Variants in ZFHX3 observed in about 807,000 individuals in gnomAD.
ZFHX3 encodes zinc finger homeobox protein 3.
In ZFHX3, 42 loss-of-function variants were observed where a neutral mutation model predicts 279.1. The ratio of observed to expected loss-of-function variants is 0.15; its 90% confidence interval spans 0.12 to 0.19. The LOEUF (loss-of-function observed/expected upper bound fraction) is 0.19. Ranked by LOEUF, ZFHX3 falls within the 10% of genes least tolerant of loss-of-function variation. The pLI is 1.00. For synonymous variants in ZFHX3, 2,293 were observed against 1,957.8 expected (o/e 1.17, Z -4.52); for missense variants, 4,981 against 4,754.0 (o/e 1.05, Z -1.40).
chr16:73,314,737 C>G (rs2015404258), intron 4 of ZFHX3, among the ~76,000 whole-genome samples: 1 of 152,192 alleles, frequency 6.6e-6, no homozygotes, highest in Non-Finnish European at 1.5e-5. Flanking sequence ...TAGCCCTTGC[C>G]ACATTAGGAC....
At chr16:73,563,572 A>T (rs2020408036) in intron 2 of ZFHX3, among the ~76,000 whole-genome samples, 2 of 152,152 alleles carry the variant, frequency 1.3e-5, no homozygotes, top group African/African-American at 4.8e-5. Flanking sequence ...ACATGTAATA[A>T]TCTACAGTAT....
At chr16:73,801,638 G>A (rs1052376974) in intron 1 of ZFHX3, among the ~76,000 whole-genome samples, 2 of 152,198 alleles carry the variant, frequency 1.3e-5, no homozygotes, top group African/African-American at 4.8e-5. Flanking sequence ...AACAAGTGCA[G>A]AAGTCCAGAC....
intron 1 of ZFHX3, among the ~76,000 whole-genome samples, chr16:73,795,384 C>T (rs1004680969): frequency 6.6e-6 from 1 of 152,126 alleles, no homozygotes; most frequent in African/African-American, 2.4e-5. Flanking sequence ...ATGTTCAGGG[C>T]CAAGACCTGA....
intron 1 of ZFHX3, among the ~76,000 whole-genome samples, chr16:73,753,815 C>T (rs1424571253): frequency 6.6e-6 from 1 of 151,706 alleles, no homozygotes; most frequent in Non-Finnish European, 1.5e-5. Flanking sequence ...ACTCACAAAA[C>T]AAGGTTACAT....
chr16:73,752,891 G>C lies in ZFHX3; in HGVS notation c.-1607-72651C>G, dbSNP rs16972466. Among the ~76,000 whole-genome samples the C allele has an allele frequency of 6.8e-3, 1,033 of 152,264 alleles. 14 individuals carry two copies. Among genetic ancestry groups the C allele is most frequent in the African/African-American group, 0.024 (980 of 41,534 alleles). ...CTGCAGTGCCAGATAACATTTGCAG[G>C]TACCTCCAATAAAACCAGGTACCAT... On this transcript the variant is annotated intron_variant, in intron 1 of 17. Transcript: ENST00000641206.
At chr16:73,144,139 A>G (rs1966854596) in intron 5 of ZFHX3, among the ~76,000 whole-genome samples, 1 of 152,178 alleles carries the variant, frequency 6.6e-6, no homozygotes, top group South Asian at 2.1e-4. Context: ...ATTAATTAAA[A>G]ATCATAAAAC....
At chr16:73,604,919 A>AT (rs1046681021) in intron 2 of ZFHX3, among the ~76,000 whole-genome samples, 5 of 151,618 alleles carry the variant, frequency 3.3e-5, no homozygotes, top group South Asian at 4.2e-4. Flanking sequence ...AAGAAAGTCC[A>AT]TTTTTTTTCA....
Position 73,846,510 on chromosome 16 carries a change from G to A in ZFHX3, c.-1608+45141C>T, listed in dbSNP as rs973834921. On this transcript the variant is annotated intron_variant, in intron 1 of 17. Coordinates refer to the ZFHX3 transcript ENST00000641206. ...TATTCCCTCGAGGCCAATCTTGGCT[G>A]TCTCTCTTCAAGCTGAAATTGAGAG... Among the ~76,000 whole-genome samples, 13 of 152,276 alleles carry A rather than the reference G, an allele frequency of 8.5e-5. 1 individual carries two copies. Among genetic ancestry groups the A allele is most frequent in the Admixed American group, 3.9e-4 (6 of 15,304 alleles).
intron 3 of ZFHX3, among the ~76,000 whole-genome samples, chr16:72,906,955 T>TAAAA (rs1468552321): frequency 6.6e-6 from 1 of 152,202 alleles, no homozygotes; most frequent in African/African-American, 2.4e-5. Flanking sequence ...ACATCACGCA[T>TAAAA]GCTACAAGTT....
At chr16:73,277,466 G>A (rs921201534) in intron 4 of ZFHX3, among the ~76,000 whole-genome samples, 16 of 152,016 alleles carry the variant, frequency 1.1e-4, no homozygotes, top group African/African-American at 2.7e-4. Flanking sequence ...ATTAAAATCC[G>A]AAAGCATGAT....
chr16:73,277,718 A>C (rs1218399684), intron 4 of ZFHX3, among the ~76,000 whole-genome samples: 2 of 152,218 alleles, frequency 1.3e-5, no homozygotes, highest in Non-Finnish European at 1.5e-5. Flanking sequence ...GCATGAGTCC[A>C]TTCTCGCATT....
chr16:73,361,837 G>A (rs1420919279), intron 3 of ZFHX3, among the ~76,000 whole-genome samples: 1 of 152,166 alleles, frequency 6.6e-6, no homozygotes, highest in Non-Finnish European at 1.5e-5. Context: ...GAAGATGAAG[G>A]TGACAGTTCT....
At chr16:73,086,784 T>C (rs952888546) in intron 8 of ZFHX3, among the ~76,000 whole-genome samples, 3 of 152,144 alleles carry the variant, frequency 2.0e-5, no homozygotes, top group African/African-American at 7.2e-5. Context: ...GCACCTGTGC[T>C]CTCAGCTACT....
chr16:72,802,031 C>T (rs1243705282), intron 7 of ZFHX3, among the ~76,000 whole-genome samples: 1 of 151,860 alleles, frequency 6.6e-6, no homozygotes, highest in Non-Finnish European at 1.5e-5. Flanking sequence ...AAAAAAAAAG[C>T]CCTACAGAGT....
Position 73,259,873 on chromosome 16 carries a change from G to GAA in ZFHX3, c.-1193-2739_-1193-2738dup, listed in dbSNP as rs540471184. ...ATAAACATTCTGCTAAATAACCATG[G>GAA]AAAAGTTGTCAAAATCAAGAAATTA... On this transcript the variant is annotated intron_variant, in intron 4 of 17. Coordinates refer to the ZFHX3 transcript ENST00000641206. Among the ~76,000 whole-genome samples, 24 of 152,168 alleles carry GAA rather than the reference G, an allele frequency of 1.6e-4. No homozygotes were observed. The East Asian group carries it at 3.7e-3, about 23-fold the overall frequency.
At chr16:73,050,125 G>A (rs766985350), upstream of ZFHX3, among the ~76,000 whole-genome samples, 2 of 152,060 alleles carry the variant, frequency 1.3e-5, no homozygotes, top group Non-Finnish European at 2.9e-5. Context: ...TTTATTAACA[G>A]GGGACAACCT....
intron 4 of ZFHX3, 43 bp downstream of exon 4, chr16:72,889,688 C>T: frequency 1.9e-6 from 3 of 1,593,548 alleles, no homozygotes; most frequent in Non-Finnish European, 2.6e-6. Flanking sequence ...GAGGTGAACA[C>T]CCAGGCCCAA....
chr16:72,961,629 C>CT (rs5817821), intron 1 of ZFHX3, among the ~76,000 whole-genome samples: 56,864 of 147,336 alleles, frequency 0.39, 11,150 homozygotes, highest in Non-Finnish European at 0.44. Context: ...TCTTCTCAAT[C>CT]TTTTTTTTTT....
chr16:73,847,529 A>G (rs566836196), intron 1 of ZFHX3, among the ~76,000 whole-genome samples: 1 of 152,232 alleles, frequency 6.6e-6, no homozygotes, highest in South Asian at 2.1e-4. Flanking sequence ...ATTGGCGTCA[A>G]TTATAATAAC....
Sources: allele counts gnomAD v4.1 joint callset (sites outside exome capture counted in the v4.1 genomes callset), GRCh38; gene constraint gnomAD v4.1.1; transcripts MANE v1.5; gene names NCBI Gene and HGNC (gene_info 2026-07-23, HGNC 2026-07-21).